PENK: variants seen among roughly 807,000 people sequenced by gnomAD.
PENK encodes the protein proenkephalin-A.
A neutral mutation model predicts 24.1 loss-of-function variants in PENK; 25 were observed. That is an observed-to-expected ratio of 1.04 (90% CI 0.76 to 1.45). PENK has a LOEUF of 1.45. Among genes scored for constraint, PENK ranks in the 40% most tolerant of loss-of-function variants. PENK has a pLI of 0.00. For missense variants in PENK, 353 were observed against 337.9 expected, an observed-to-expected ratio of 1.04 and a Z score of -0.35; for synonymous variants, 135 against 130.3, an observed-to-expected ratio of 1.04 and a Z score of -0.24.
Position 56,441,418 on chromosome 8 carries a change from G to A in PENK, c.658C>T (p.Pro220Ser). The A allele has an allele frequency of 6.2e-7, 1 of 1,613,938 alleles. No homozygotes were observed. The highest frequency in any genetic ancestry group is 1.3e-5 in the African/African-American group (1 of 75,024). ...TTCTGGTAGTCCATCCACCACTCTG[G>A]GCGACCTACTCTTCTCATGAAGCCC... ...YGGFMRRVGR[P>S]EWWMDYQKRY... Residue 220 changes from proline (P) to serine (S), a missense_variant, in exon 4 of 4, where the codon CCA becomes TCA. Physicochemically the swap from Pro to Ser is moderately conservative, Grantham distance 74. Transcript: ENST00000451791.
chr8:56,445,314 A>G, intron 3 of PENK: 1 of 245,318 alleles, frequency 4.1e-6, no homozygotes, highest in Non-Finnish European at 7.8e-6. Flanking sequence ...GAGGGACCTG[A>G]GGTTAAGAGA....
chr8:56,442,632 A>T lies in PENK; in HGVS notation c.139-695T>A, dbSNP rs1804581121. ...TTTCCTTTTTTCTTTGCTGGATACAACAGACTTTATTATTTTGAACAAAAT... is the reference window on the plus strand; with the variant it reads ...TTTCCTTTTTTCTTTGCTGGATACATCAGACTTTATTATTTTGAACAAAAT... On this transcript the variant is annotated intron_variant, in intron 3 of 3. Transcript: ENST00000451791. Among the ~76,000 whole-genome samples the T allele has an allele frequency of 2.0e-5, 3 of 152,076 alleles. No individual in the cohort carries two copies. The South Asian group carries it at 6.2e-4, about 32-fold the overall frequency.
intron 3 of PENK, 104 bp from the exon 4 acceptor site, chr8:56,442,041 C>T (rs1804570462): frequency 1.3e-6 from 1 of 768,230 alleles, no homozygotes; most frequent in Non-Finnish European, 2.1e-6. Context: ...ATCATAACTT[C>T]CTTATTATAA....
At chr8:56,445,528 G>T in intron 3 of PENK, 2 of 600,772 alleles carry the variant, frequency 3.3e-6, no homozygotes, top group South Asian at 2.0e-5. Context: ...GACTTCTCGG[G>T]GTTCCCGAAT....
chr8:56,445,378 A>G (rs1297784030), intron 3 of PENK: 1 of 404,798 alleles, frequency 2.5e-6, no homozygotes, highest in African/African-American at 2.0e-5. Flanking sequence ...ACAAAAAATT[A>G]CATTATTTGT....
chr8:56,441,502 C>T lies in PENK; in HGVS notation c.574G>A (p.Gly192Ser). The change falls in exon 4 of 4, where the codon GGC (glycine) becomes AGC (serine). Residue 192 changes from glycine (G) to serine (S), a missense_variant. Physicochemically the swap from Gly to Ser is moderately conservative, Grantham distance 56. Transcript: ENST00000451791. ...TCCAGTTGGGGGCTTCTCTTTAAGC[C>T]TCTCATGAAGCCCCCATATCTCTTG... ...VSKRYGGFMR[G>S]LKRSPQLEDE... is the part of the protein sequence containing the mutation. 1 of 1,613,344 alleles carries T rather than the reference C, an allele frequency of 6.2e-7. No individual in the cohort carries two copies.
chr8:56,441,460 GCT>G lies in PENK; in HGVS notation c.614_615del (p.Glu205AlafsTer51), dbSNP rs1404779300. The G allele has an allele frequency of 6.2e-7, 1 of 1,613,404 alleles. No individual in the cohort carries two copies. The highest frequency in any genetic ancestry group is 8.5e-7 in the Non-Finnish European group (1 of 1,179,886). On this transcript the variant is annotated frameshift_variant, in exon 4 of 4. Transcript: ENST00000451791. LOFTEE classifies it high-confidence loss of function. ...ATGAAGCCCCCATATCGCTTCTGCA[GCT>G]CTTTGGCTTCATCTTCCAGTTGGGG... is the stretch of plus-strand genomic sequence containing the variant. ...RSPQLEDEAK[E>X]LQKRYGGFMR...
intron 3 of PENK, among the ~76,000 whole-genome samples, chr8:56,443,253 A>G (rs1347903065): frequency 6.6e-6 from 1 of 152,194 alleles, no homozygotes; most frequent in Non-Finnish European, 1.5e-5. Flanking sequence ...AAATAAAAAC[A>G]CCATTAGAAG....
In PENK at chr8:56,441,679, C is replaced by T. The variant is rs367716870; in HGVS notation, c.397G>A (p.Ala133Thr). Residue 133 changes from alanine (A) to threonine (T), a missense_variant, in exon 4 of 4, where the codon GCC (alanine) becomes ACC (threonine). Coordinates refer to ENST00000451791, the MANE Select transcript of PENK (RefSeq NM_001135690.3). ...TTCATGAAGCCCCCATACCGCTTGGCGAGGATCTCACTTCCATTGGCCTCT... is the reference window on the plus strand; with the variant it reads ...TTCATGAAGCCCCCATACCGCTTGGTGAGGATCTCACTTCCATTGGCCTCT... The part of the protein sequence containing the change: ...EEEANGSEIL[A>T]KRYGGFMKKD... 1.6e-5 allele frequency: 26 copies of T among 1,613,894 alleles called. No homozygotes were observed. Among genetic ancestry groups the T allele is most frequent in the Admixed American group, 3.3e-5 (2 of 59,996 alleles).
Position 56,441,885 on chromosome 8 carries a change from G to GT in PENK, c.190dup (p.Thr64AsnfsTer25). On this transcript the variant is annotated frameshift_variant, in exon 4 of 4. Coordinates refer to ENST00000451791, the MANE Select transcript of PENK (RefSeq NM_001135690.3). LOFTEE classifies it high-confidence loss of function. ...GGACAGCTGCAGGAGCTCCTTGCAG[G>GT]TTTCCCAAATTTTCAGAGAAGGCAG... 4 of 1,613,796 alleles carry GT rather than the reference G, an allele frequency of 2.5e-6. No individual in the cohort carries two copies. The highest frequency in any genetic ancestry group is 3.4e-6 in the Non-Finnish European group (4 of 1,179,902).
chr8:56,442,200 G>T (rs1804574144), intron 3 of PENK, among the ~76,000 whole-genome samples: 2 of 151,920 alleles, frequency 1.3e-5, no homozygotes, highest in Admixed American at 1.3e-4. Context: ...AAATTTTAAA[G>T]AATTTAAAAA....
intron 3 of PENK, among the ~76,000 whole-genome samples, chr8:56,444,321 C>A (rs1804613368): frequency 1.3e-5 from 2 of 152,218 alleles, no homozygotes; most frequent in South Asian, 2.1e-4. Context: ...ATCCATATAA[C>A]CTTTATTCAG....
Position 56,441,828 on chromosome 8 carries a change from G to T in PENK, c.248C>A (p.Thr83Asn), listed in dbSNP as rs11998459. ...KPELPQDGTSTLRENSKPEES... is the reference protein window; with the variant it reads ...KPELPQDGTSNLRENSKPEES... ...TTCCGGTTTGCTATTTTCTCTGAGGGTGCTGGTGCCATCTTGAGGAAGCTC... is the reference window on the plus strand; with the variant it reads ...TTCCGGTTTGCTATTTTCTCTGAGGTTGCTGGTGCCATCTTGAGGAAGCTC... The change falls in exon 4 of 4, where the codon ACC becomes AAC. Residue 83 changes from threonine (T) to asparagine (N), a missense_variant. Physicochemically the swap from Thr to Asn is moderately conservative, Grantham distance 65. Transcript: ENST00000451791. 3,857 of 1,614,130 alleles carry T rather than the reference G, an allele frequency of 2.4e-3. 82 individuals carry two copies. In the African/African-American group the frequency reaches 0.038, roughly 16 times the overall value.
rs760116372 is a variant in PENK, at chr8:56,441,792, A to G, written c.284T>C (p.Leu95Ser). The G allele has an allele frequency of 1.2e-6, 2 of 1,614,126 alleles. No individual in the cohort carries two copies. The highest frequency in any genetic ancestry group is 1.7e-6 in the Non-Finnish European group (2 of 1,180,028). The change falls in exon 4 of 4, where the codon TTG (leucine) becomes TCG (serine). Residue 95 changes from leucine (L) to serine (S), a missense_variant. By Grantham distance (145) the Leu-to-Ser change is moderately radical (BLOSUM62 -2). Coordinates refer to ENST00000451791, the MANE Select transcript of PENK (RefSeq NM_001135690.3). ...RENSKPEESH[L>S]LAKRYGGFMK... ...GAAGCCCCCATACCTTTTGGCTAGC[A>G]AATGGCTTTCTTCCGGTTTGCTATT...
At chr8:56,446,052 GT>G in intron 2 of PENK, 96 bp from the exon 3 acceptor site, 5 of 1,365,512 alleles carry the variant, frequency 3.7e-6, no homozygotes, top group Non-Finnish European at 4.9e-6. Flanking sequence ...GCAGGGGATC[GT>G]CGAGCAAAAG....
rs577920703 is a variant in PENK at position 56,445,627 on chromosome 8, C to T, written c.138+189G>A. 645 of 708,660 alleles carry T rather than the reference C, an allele frequency of 9.1e-4. 2 individuals are homozygous for T. The highest frequency in any genetic ancestry group is 1.4e-3 in the Non-Finnish European group (581 of 405,712). 43.9% of individuals were successfully genotyped at this position (708,660 alleles called of 1,614,324 possible). ...GTCGCGGATCCCCGAAGCTAAGAGCCAGGGCAGGACTTCAGTCAGTGTTCC... is the reference window on the plus strand; with the variant it reads ...GTCGCGGATCCCCGAAGCTAAGAGCTAGGGCAGGACTTCAGTCAGTGTTCC... On this transcript the variant is annotated intron_variant, in intron 3 of 3. Transcript: ENST00000451791.
At position 56,441,420 on chromosome 8, in the gene PENK, C is replaced by A. The variant is rs201807450; in HGVS notation, c.656G>T (p.Arg219Leu). The A allele has an allele frequency of 7.4e-6, 12 of 1,613,950 alleles. No homozygotes were observed. The South Asian group carries it at 9.9e-5, about 13-fold the overall frequency. The change falls in exon 4 of 4, where the codon CGC becomes CTC. Residue 219 changes from arginine (R) to leucine (L), a missense_variant. Physicochemically the swap from Arg to Leu is moderately radical, Grantham distance 102. Transcript: ENST00000451791. ...CTGGTAGTCCATCCACCACTCTGGG[C>A]GACCTACTCTTCTCATGAAGCCCCC... ...RYGGFMRRVG[R>L]PEWWMDYQKR...
intron 3 of PENK, chr8:56,443,932 A>C (rs551585222): frequency 1.4e-5 from 10 of 701,328 alleles, no homozygotes; most frequent in Non-Finnish European, 2.6e-5. Context: ...AGTAATGATA[A>C]TAGTAATAAG....
chr8:56,442,798 T>A (rs1804583545), intron 3 of PENK, among the ~76,000 whole-genome samples: 1 of 152,056 alleles, frequency 6.6e-6, no homozygotes, highest in South Asian at 2.1e-4. Context: ...AAAATAGGAA[T>A]CATCAGCATA....
Sources: gnomAD v4.1 joint callset for allele counts (sites outside exome capture counted in the v4.1 genomes callset) on GRCh38, gnomAD v4.1.1 for gene constraint, MANE v1.5 for transcripts, NCBI Gene and HGNC (gene_info 2026-07-23, HGNC 2026-07-21) for gene names.